The following TRIM9 variants were observed in gnomAD, a reference collection of about 807,000 sequenced individuals.
TRIM9 encodes the protein E3 ubiquitin-protein ligase TRIM9.
TRIM9 carries 26 observed loss-of-function variants against 78.3 expected under a neutral mutation model. That is an observed-to-expected ratio of 0.33 (90% CI 0.24 to 0.46). The LOEUF is 0.46. Ranked by LOEUF, TRIM9 falls within the 20% of genes least tolerant of loss-of-function variation. TRIM9 has a pLI of 1.00. For synonymous variants in TRIM9, 398 were observed against 416.5 expected, an observed-to-expected ratio of 0.96 and a Z score of 0.54; for missense variants, 787 against 1,036.4, an observed-to-expected ratio of 0.76 and a Z score of 3.30.
chr14:51,076,161 G>A (rs998402655), intron 1 of TRIM9, among the ~76,000 whole-genome samples: 5 of 152,184 alleles, frequency 3.3e-5, no homozygotes, highest in East Asian at 1.9e-4. Flanking sequence ...TGAGGAAACC[G>A]AGGTACAGAT....
At chr14:50,997,517 G>C in intron 7 of TRIM9, 1 of 986,450 alleles carries the variant, frequency 1.0e-6, no homozygotes, top group South Asian at 4.7e-5. Context: ...AGTCTAAGTG[G>C]GTAAGCCAGG....
intron 1 of TRIM9, among the ~76,000 whole-genome samples, chr14:51,060,120 T>C (rs1387359915): frequency 6.6e-6 from 1 of 152,246 alleles, no homozygotes; most frequent in Non-Finnish European, 1.5e-5. Context: ...CTTTCTAGCT[T>C]TCTGTTGTTT....
chr14:51,057,317 T>C (rs2060969191), intron 1 of TRIM9, among the ~76,000 whole-genome samples: 1 of 152,230 alleles, frequency 6.6e-6, no homozygotes, highest in South Asian at 2.1e-4. Context: ...AAAATGCTGC[T>C]TTTGTCTTCT....
At chr14:51,040,569 A>C (rs1298257577) in intron 1 of TRIM9, among the ~76,000 whole-genome samples, 1 of 152,212 alleles carries the variant, frequency 6.6e-6, no homozygotes, top group Non-Finnish European at 1.5e-5. Context: ...TCCTCTGCTC[A>C]TACTTTTACC....
Position 51,094,239 on chromosome 14 carries a change from A to T in TRIM9, c.701T>A (p.Leu234Gln). The change falls in exon 1 of 13, where the codon CTG (leucine) becomes CAG (glutamine). Residue 234 changes from leucine to glutamine, a missense_variant. Coordinates refer to ENST00000684578, the MANE Select transcript of TRIM9 (RefSeq NM_001387360.1). ...CACGCAGTACATGCTGTGGTTCTCC[A>T]GCTCGTGGTCTGTGCAGGTGGAGAC... ...RKVSTCTDHE[L>Q]ENHSMYCVQC... 1 of 1,614,230 alleles carries T rather than the reference A, an allele frequency of 6.2e-7. No individual in the cohort carries two copies. The highest frequency in any genetic ancestry group is 8.5e-7 in the Non-Finnish European group (1 of 1,180,034).
chr14:50,996,974 CA>C, intron 7 of TRIM9: 1 of 985,342 alleles, frequency 1.0e-6, no homozygotes, highest in Admixed American at 6.1e-5. Flanking sequence ...GGGTGACTGG[CA>C]CATGTTGAGG....
intron 1 of TRIM9, among the ~76,000 whole-genome samples, chr14:51,048,751 G>A (rs911232076): frequency 1.2e-4 from 18 of 152,028 alleles, no homozygotes; most frequent in African/African-American, 3.9e-4. Flanking sequence ...TTGGAAGGCC[G>A]AGGCAGGCGG....
At chr14:51,065,438 T>C (rs1394744153) in intron 1 of TRIM9, among the ~76,000 whole-genome samples, 1 of 152,156 alleles carries the variant, frequency 6.6e-6, no homozygotes, top group Non-Finnish European at 1.5e-5. Context: ...GTGCACTGTA[T>C]GGGGCAGTCA....
At chr14:51,043,392 G>A (rs1372583036) in intron 1 of TRIM9, among the ~76,000 whole-genome samples, 1 of 152,276 alleles carries the variant, frequency 6.6e-6, no homozygotes, top group East Asian at 1.9e-4. Flanking sequence ...GGAAGAGAAA[G>A]GTCAAGAGAT....
intron 1 of TRIM9, among the ~76,000 whole-genome samples, chr14:51,051,678 T>C (rs1019230917): frequency 3.4e-4 from 52 of 152,022 alleles, no homozygotes; most frequent in African/African-American, 1.3e-3. Context: ...AAGAAAAAGA[T>C]GGAATAGGCC....
intron 1 of TRIM9, among the ~76,000 whole-genome samples, chr14:51,060,621 C>T (rs545521544): frequency 6.6e-6 from 1 of 152,288 alleles, no homozygotes; most frequent in African/African-American, 2.4e-5. Flanking sequence ...CGCCTGCCAC[C>T]ACGCCCGGCT....
chr14:51,001,149 G>A (rs968815882), intron 5 of TRIM9, among the ~76,000 whole-genome samples: 2 of 151,866 alleles, frequency 1.3e-5, no homozygotes, highest in African/African-American at 4.8e-5. Context: ...TAAAGGAAAT[G>A]TTTTACATGG....
intron 2 of TRIM9, 114 bp downstream of exon 2, chr14:51,025,151 C>T: frequency 1.0e-6 from 1 of 961,498 alleles, no homozygotes; most frequent in Non-Finnish European, 1.6e-6. Context: ...ACAACAACCA[C>T]AAAATAGGAA....
At chr14:51,001,376 C>G (rs900296430) in intron 5 of TRIM9, among the ~76,000 whole-genome samples, 4 of 151,926 alleles carry the variant, frequency 2.6e-5, no homozygotes, top group Non-Finnish European at 5.9e-5. Flanking sequence ...ACTACAGGCG[C>G]CCGCCACCAC....
At chr14:50,996,966 G>A (rs1256917112) in intron 7 of TRIM9, 11 of 985,190 alleles carry the variant, frequency 1.1e-5, no homozygotes, top group African/African-American at 1.7e-5. Context: ...GCATTTTAGG[G>A]TGACTGGCAC....
chr14:50,983,242 G>T, intron 9 of TRIM9, 138 bp downstream of exon 9: 2 of 750,884 alleles, frequency 2.7e-6, no homozygotes, highest in South Asian at 2.2e-5. Flanking sequence ...TTAAGAGTTT[G>T]AGAAACTGCT....
At chr14:51,027,242 C>T (rs2058333493) in intron 1 of TRIM9, among the ~76,000 whole-genome samples, 1 of 146,180 alleles carries the variant, frequency 6.8e-6, no homozygotes, top group South Asian at 2.2e-4. Context: ...CTCCCAGGTT[C>T]AAGCGATTCT....
chr14:51,071,821 A>C (rs1486108166), intron 1 of TRIM9, among the ~76,000 whole-genome samples: 1 of 152,070 alleles, frequency 6.6e-6, no homozygotes, highest in African/African-American at 2.4e-5. Flanking sequence ...TAAATAAATG[A>C]ATAATTTTTA....
Position 51,022,881 on chromosome 14 carries a change from G to A in TRIM9, c.995C>T (p.Ala332Val), listed in dbSNP as rs1292231458. ...CTTGTTGACGCGGGCCAGCAGCTGG[G>A]CTTTTCTTCTGTTGAGGGCATCGAT... ...ALIDALNRRK[A>V]QLLARVNKEH... Residue 332 changes from alanine to valine, a missense_variant, in exon 3 of 13, where the codon GCC becomes GTC. Physicochemically the swap from Ala to Val is moderately conservative, Grantham distance 64. Around this residue, in one of 3 missense-constraint regions of TRIM9, gnomAD observed 352 missense variants for 472.3 expected, o/e 0.75. Transcript: ENST00000684578. The A allele has an allele frequency of 6.2e-7, 1 of 1,614,152 alleles. No homozygotes were observed. The highest frequency in any genetic ancestry group is 8.5e-7 in the Non-Finnish European group (1 of 1,180,030).
Sources: allele counts gnomAD v4.1 joint callset (sites outside exome capture counted in the v4.1 genomes callset), GRCh38; gene constraint gnomAD v4.1.1; regional missense constraint gnomAD v4.1.1; transcripts MANE v1.5; gene names NCBI Gene and HGNC (gene_info 2026-07-23, HGNC 2026-07-21).